The following DAPK1 variants were observed in gnomAD, a reference collection of about 807,000 sequenced individuals.
DAPK1 encodes death-associated protein kinase 1.
In DAPK1, 56 loss-of-function variants were observed where a neutral mutation model predicts 144.9. The ratio of observed to expected loss-of-function variants is 0.39; its 90% CI spans 0.31 to 0.48. DAPK1 has a LOEUF of 0.48. Ranked by LOEUF, DAPK1 falls within the 20% of genes least tolerant of loss-of-function variation. DAPK1 has a pLI of 0.95. For missense variants in DAPK1, 1,454 were observed against 1,875.4 expected, an observed-to-expected ratio of 0.78 and a Z score of 4.15; for synonymous variants, 690 against 749.0, an observed-to-expected ratio of 0.92 and a Z score of 1.29.
intron 3 of DAPK1, among the ~76,000 whole-genome samples, chr9:87,614,684 C>G (rs919471621): frequency 6.6e-6 from 1 of 152,202 alleles, no homozygotes; most frequent in Non-Finnish European, 1.5e-5. Context: ...CTCACAGGTA[C>G]TGGTTTTGCC....
At chr9:87,696,915 C>G in intron 21 of DAPK1, 92 bp from the exon 22 acceptor site, 1 of 774,714 alleles carries the variant, frequency 1.3e-6, no homozygotes, top group Non-Finnish European at 2.4e-6. Flanking sequence ...TATCACTATG[C>G]CTACTTCGAA....
At chr9:87,522,383 A>T (rs969722583) in intron 2 of DAPK1, among the ~76,000 whole-genome samples, 5 of 152,054 alleles carry the variant, frequency 3.3e-5, no homozygotes, top group East Asian at 1.9e-4. Context: ...ATAAACATAA[A>T]TTTTTTCATG....
intron 3 of DAPK1, chr9:87,632,485 T>C (rs1471806586): frequency 1.0e-6 from 1 of 980,156 alleles, no homozygotes; most frequent in Non-Finnish European, 1.2e-6. Flanking sequence ...GGGTGATCAG[T>C]ATATATGTAG....
chr9:87,520,541 A>G (rs36229592), intron 2 of DAPK1, among the ~76,000 whole-genome samples: 7,566 of 152,260 alleles, frequency 0.05, 666 homozygotes, highest in African/African-American at 0.17. Context: ...ACAAGGGGAA[A>G]GTTGTTTGAA....
chr9:87,576,281 G>T (rs1827556853), intron 2 of DAPK1, among the ~76,000 whole-genome samples: 1 of 152,252 alleles, frequency 6.6e-6, no homozygotes, highest in Admixed American at 6.5e-5. Flanking sequence ...CCTGTAGTGA[G>T]TGTGTTACTT....
intron 2 of DAPK1, among the ~76,000 whole-genome samples, chr9:87,525,115 G>A (rs1341909406): frequency 2.0e-5 from 3 of 152,184 alleles, no homozygotes; most frequent in Non-Finnish European, 4.4e-5. Context: ...GGGGTCCCTT[G>A]TACCCCTCAG....
chr9:87,564,336 C>T (rs1423501082), intron 2 of DAPK1, among the ~76,000 whole-genome samples: 1 of 152,162 alleles, frequency 6.6e-6, no homozygotes, highest in Non-Finnish European at 1.5e-5. Context: ...GTCCCATTCA[C>T]TGAGACATGT....
intron 2 of DAPK1, among the ~76,000 whole-genome samples, chr9:87,543,747 G>A (rs1344346486): frequency 1.3e-5 from 2 of 152,074 alleles, no homozygotes; most frequent in Non-Finnish European, 2.9e-5. Flanking sequence ...GATCTCTTAT[G>A]GTTCTGTAAG....
chr9:87,578,814 G>GT (rs1240972586), intron 2 of DAPK1, among the ~76,000 whole-genome samples: 1 of 152,188 alleles, frequency 6.6e-6, no homozygotes, highest in Non-Finnish European at 1.5e-5. Context: ...TCAGAGTCAT[G>GT]TTTATCTTTC....
intron 19 of DAPK1, among the ~76,000 whole-genome samples, chr9:87,677,447 C>T (rs975916897): frequency 1.9e-4 from 29 of 152,162 alleles, no homozygotes; most frequent in Admixed American, 1.8e-3. Flanking sequence ...TTGCCCCATT[C>T]CTGCAGACAG....
intron 2 of DAPK1, among the ~76,000 whole-genome samples, chr9:87,592,489 G>A (rs1429885277): frequency 6.6e-6 from 1 of 152,186 alleles, no homozygotes; most frequent in Non-Finnish European, 1.5e-5. Flanking sequence ...CCTGCTTCAG[G>A]AGATACCAAC....
chr9:87,499,778 A>G (rs1464414543), intron 2 of DAPK1, among the ~76,000 whole-genome samples: 1 of 152,232 alleles, frequency 6.6e-6, no homozygotes, highest in Admixed American at 6.5e-5. Flanking sequence ...CCATTGCTGT[A>G]GCAGCTGTGA....
intron 2 of DAPK1, among the ~76,000 whole-genome samples, chr9:87,595,790 C>G (rs1445842028): frequency 1.3e-5 from 2 of 152,168 alleles, no homozygotes; most frequent in Admixed American, 1.3e-4. Context: ...TTTCCTACCT[C>G]TGTGTGTTGT....
chr9:87,705,361 A>G (rs1272114564), intron 25 of DAPK1, among the ~76,000 whole-genome samples: 2 of 150,156 alleles, frequency 1.3e-5, no homozygotes, highest in Non-Finnish European at 1.5e-5. Context: ...GCCTCAGCCT[A>G]CAGACACAAG....
chr9:87,550,179 A>G (rs1826424114), intron 2 of DAPK1, among the ~76,000 whole-genome samples: 1 of 152,188 alleles, frequency 6.6e-6, no homozygotes, highest in African/African-American at 2.4e-5. Context: ...CCCCTTCTCA[A>G]TCATTCCCAC....
At chr9:87,514,538 C>T (rs1824973032) in intron 2 of DAPK1, among the ~76,000 whole-genome samples, 1 of 152,180 alleles carries the variant, frequency 6.6e-6, no homozygotes, top group South Asian at 2.1e-4. Flanking sequence ...ACTGGAAGCT[C>T]CCATGATCTA....
chr9:87,683,042 G>A (rs1483497084), intron 20 of DAPK1, among the ~76,000 whole-genome samples: 2 of 151,562 alleles, frequency 1.3e-5, no homozygotes, highest in African/African-American at 2.4e-5. Context: ...GTGACAGAAG[G>A]TTAAGATTAA....
At chr9:87,703,841 T>C (rs563883806) in intron 25 of DAPK1, among the ~76,000 whole-genome samples, 78 of 152,362 alleles carry the variant, frequency 5.1e-4, no homozygotes, top group Admixed American at 7.2e-4. Context: ...CCTGTTCTAA[T>C]GGCATCATAT....
chr9:87,533,074 G>A (rs1435733721), intron 2 of DAPK1, among the ~76,000 whole-genome samples: 1 of 152,132 alleles, frequency 6.6e-6, no homozygotes, highest in Admixed American at 6.5e-5. Context: ...CAAGCAGAAT[G>A]ATATAATGTA....
Sources: allele counts gnomAD v4.1 joint callset (sites outside exome capture counted in the v4.1 genomes callset), GRCh38; gene constraint gnomAD v4.1.1; transcripts MANE v1.5; gene names NCBI Gene and HGNC (gene_info 2026-07-23, HGNC 2026-07-21).